The following PCYT2 variants were observed in gnomAD, a reference collection of about 807,000 sequenced individuals.
PCYT2 encodes the protein ethanolamine-phosphate cytidylyltransferase.
Under a neutral mutation model 50.0 loss-of-function variants are expected in PCYT2, and 33 were observed. The ratio of observed to expected loss-of-function variants is 0.66; its 90% CI spans 0.50 to 0.88. The LOEUF (loss-of-function observed/expected upper bound fraction) is 0.88. Among genes scored for constraint, PCYT2 ranks in the 40% least tolerant of loss-of-function variants. PCYT2 has a pLI of 0.00. For missense variants in PCYT2, 430 were observed against 519.7 expected (o/e 0.83, Z 1.68); for synonymous variants, 240 against 203.7 (o/e 1.18, Z -1.52).
rs1171126745 is a variant in PCYT2 at position 81,911,381 on chromosome 17, C to T, written c.-26G>A. 4 of 1,022,640 alleles carry T rather than the reference C, an allele frequency of 3.9e-6. No individual in the cohort carries two copies. Among genetic ancestry groups the T allele is most frequent in the Non-Finnish European group, 4.7e-6 (4 of 855,440 alleles). The allele number at this position is 1,022,640 out of a possible 1,614,324, so 63.3% of individuals were successfully genotyped here. Reference sequence around the variant, plus strand: ...GGCCCCGCAGCGGCGGCGCGGACAGCCTGGCAGCTCCCGGCGACTCCGAGC... The same window carrying T: ...GGCCCCGCAGCGGCGGCGCGGACAGTCTGGCAGCTCCCGGCGACTCCGAGC... On this transcript the variant is annotated 5_prime_UTR_variant, in exon 1 of 13. Transcript: ENST00000538936.
rs1167683937 is a variant in PCYT2, at chr17:81,903,567, G to T, written c.*1266C>A. 1 of 152,424 alleles carries T rather than the reference G, an allele frequency of 6.6e-6. No individual in the cohort carries two copies. Among genetic ancestry groups the T allele is most frequent in the East Asian group, 1.9e-4 (1 of 5,200 alleles). 9.4% of individuals were successfully genotyped at this position (152,424 alleles called of 1,614,324 possible). A position where few individuals can be genotyped will look rare whatever the true frequency, so the allele number is the denominator to read the frequency against. ...TGCTCAGGGGACCCCGCAGTCCAGGGTTCTGAGTGGGAGCATTGGCACCAC... is the reference window on the plus strand; with the variant it reads ...TGCTCAGGGGACCCCGCAGTCCAGGTTTCTGAGTGGGAGCATTGGCACCAC... On this transcript the variant is annotated 3_prime_UTR_variant, in exon 13 of 13. Transcript: ENST00000538936.
chr17:81,906,748 C>T lies in PCYT2; in HGVS notation c.676+12G>A, dbSNP rs2143685107. On this transcript the variant is annotated intron_variant, in intron 7 of 12. Coordinates refer to ENST00000538936, the MANE Select transcript of PCYT2 (RefSeq NM_002861.5). Reference sequence around the variant, plus strand: ...GGCACATGTAGGGGAGCAGCAGAGGCCCAGAGGATACGGAACAGGTCGAAG... The same window carrying T: ...GGCACATGTAGGGGAGCAGCAGAGGTCCAGAGGATACGGAACAGGTCGAAG... 1 of 1,611,898 alleles carries T rather than the reference C, an allele frequency of 6.2e-7. No individual in the cohort carries two copies. The highest frequency in any genetic ancestry group is 8.5e-7 in the Non-Finnish European group (1 of 1,179,246).
In PCYT2 at chr17:81,906,145, G is replaced by T. The variant is rs200460073; in HGVS notation, c.792C>A (p.Pro264=). The T allele has an allele frequency of 6.2e-7, 1 of 1,613,014 alleles. No homozygotes were observed. Among genetic ancestry groups the T allele is most frequent in the East Asian group, 2.2e-5 (1 of 44,866 alleles). ...EVNHYKGKNY[P]IMNLHERTLS... is the part of the protein sequence containing the mutation. ...GAGTCCGTTCATGCAGATTCATGAT[G>T]GGGTAGTTCTTCCCCTTGTAGTGAT... The change falls in exon 9 of 13, where the codon CCC becomes CCA. Residue 264 remains proline (P), a synonymous_variant. Coordinates refer to ENST00000538936, the MANE Select transcript of PCYT2 (RefSeq NM_002861.5).
chr17:81,906,116 C>T lies in PCYT2; in HGVS notation c.821G>A (p.Ser274Asn). The T allele has an allele frequency of 6.2e-7, 1 of 1,612,558 alleles. No homozygotes were observed. Among genetic ancestry groups the T allele is most frequent in the African/African-American group, 1.3e-5 (1 of 75,000 alleles). The change falls in exon 9 of 13, where the codon AGC becomes AAC. Residue 274 changes from serine (S) to asparagine (N), a missense_variant. Physicochemically the swap from Ser to Asn is conservative, Grantham distance 46. This residue lies in a region of PCYT2 where 248 missense variants were observed against 300.2 expected (regional missense o/e 0.83). Coordinates refer to ENST00000538936, the MANE Select transcript of PCYT2 (RefSeq NM_002861.5). The part of the protein sequence containing the change: ...PIMNLHERTL[S>N]VLACRYVSEV... ...CCCACTCACCCGGCAGGCCAGCACG[C>T]TCAGAGTCCGTTCATGCAGATTCAT...
In PCYT2 at chr17:81,902,148, A is replaced by G. The variant is rs899992400; in HGVS notation, c.*2685T>C. 1 of 884,564 alleles carries G rather than the reference A, an allele frequency of 1.1e-6. No homozygotes were observed. Among genetic ancestry groups the G allele is most frequent in the Non-Finnish European group, 1.5e-6 (1 of 687,380 alleles). 54.8% of individuals were successfully genotyped at this position (884,564 alleles called of 1,614,324 possible). A position where few individuals can be genotyped will look rare whatever the true frequency, so the allele number is the denominator to read the frequency against. ...CGGCTCCTCCGCGCGCGCCCGCTGCACCCCAGCCCGCCCGCCGCCCCTCCC... is the reference window on the plus strand; with the variant it reads ...CGGCTCCTCCGCGCGCGCCCGCTGCGCCCCAGCCCGCCCGCCGCCCCTCCC... On this transcript the variant is annotated 3_prime_UTR_variant, in exon 13 of 13. Transcript: ENST00000538936.
Position 81,911,352 on chromosome 17 carries a change from T to C in PCYT2, c.4A>G (p.Ile2Val). The C allele has an allele frequency of 9.4e-7, 1 of 1,069,442 alleles. No individual in the cohort carries two copies. Among genetic ancestry groups the C allele is most frequent in the Non-Finnish European group, 1.1e-6 (1 of 882,750 alleles). 66.2% of individuals were successfully genotyped at this position (1,069,442 alleles called of 1,614,324 possible). A position where few individuals can be genotyped will look rare whatever the true frequency, so the allele number is the denominator to read the frequency against. Residue 2 changes from isoleucine (I) to valine (V), a missense_variant, in exon 1 of 13, where the codon ATC (isoleucine) becomes GTC (valine). Transcript: ENST00000538936. The part of the protein sequence containing the change: M[I>V]RNGRGAAGGA... The stretch of plus-strand genomic sequence containing the variant: ...CCTGCAGCCCCGCGCCCGTTCCGGA[T>C]CATGGCCCCGCAGCGGCGGCGCGGA...
In PCYT2 at chr17:81,906,544, T is replaced by C. The variant is rs1302315900; in HGVS notation, c.679A>G (p.Ile227Val). ...YVAGAFDLFH[I>V]GHVDFLEKVH... The stretch of plus-strand genomic sequence containing the variant: ...TTCTCCAGGAAGTCCACATGCCCGA[T>C]GTCTGCACCCAGGTTAAGAAGCAGT... Residue 227 changes from isoleucine (I) to valine (V), a missense_variant and splice_region_variant, in exon 8 of 13, where the codon ATC (isoleucine) becomes GTC (valine). Ile to Val is a conservative substitution (Grantham distance 29, BLOSUM62 3). Transcript: ENST00000538936. The C allele has an allele frequency of 1.9e-6, 3 of 1,613,286 alleles. No homozygotes were observed. The highest frequency in any genetic ancestry group is 1.1e-5 in the South Asian group (1 of 91,088).
chr17:81,904,863 C>T lies in PCYT2; in HGVS notation c.1140G>A (p.Gln380=). The change falls in exon 13 of 13, where the codon CAG becomes CAA. Residue 380 remains glutamine (Q), a synonymous_variant. Transcript: ENST00000538936. ...FLEAARQQAA[Q]PLGERDGDF ...AGTCACCATCGCGCTCCCCCAGGGG[C>T]TGTGCCGCCTGCTGCCTGGCAGCCT... 6.2e-7 allele frequency: 1 copy of T among 1,612,544 alleles called. No homozygotes were observed. Among genetic ancestry groups the T allele is most frequent in the Non-Finnish European group, 8.5e-7 (1 of 1,179,696 alleles).
At position 81,905,371 on chromosome 17, in the gene PCYT2, G is replaced by C. The variant is rs2040198800; in HGVS notation, c.969+11C>G. On this transcript the variant is annotated intron_variant, in intron 11 of 12. Transcript: ENST00000538936. ...CAACCCCTGTGCCCAGCAAGGGCCAGCATGACCCACCTGGTATGGGTCGGA... is the reference window on the plus strand; with the variant it reads ...CAACCCCTGTGCCCAGCAAGGGCCACCATGACCCACCTGGTATGGGTCGGA... 6.4e-7 allele frequency: 1 copy of C among 1,552,916 alleles called. No homozygotes were observed. Among genetic ancestry groups the C allele is most frequent in the Non-Finnish European group, 8.7e-7 (1 of 1,147,374 alleles).
chr17:81,910,767 C>G, intron 1 of PCYT2: 1 of 506,082 alleles, frequency 2.0e-6, no homozygotes. Context: ...GTTGACAACC[C>G]GAAACTTTTC....
chr17:81,904,653 T>A lies in PCYT2; in HGVS notation c.*180A>T, dbSNP rs1395227905. The A allele has an allele frequency of 1.7e-6, 1 of 587,422 alleles. No homozygotes were observed. 36.4% of individuals were successfully genotyped at this position (587,422 alleles called of 1,614,324 possible). On this transcript the variant is annotated 3_prime_UTR_variant, in exon 13 of 13. Transcript: ENST00000538936. The stretch of plus-strand genomic sequence containing the variant: ...GGACACCCTCTCTGAGCAGCTTTGC[T>A]GGAAAGAGCGGAGAGCCTGCTGCAA...
rs754175289 is a variant in PCYT2 at position 81,902,706 on chromosome 17, C to T, written c.*2127G>A. 1.6e-5 allele frequency: 25 copies of T among 1,609,070 alleles called. No homozygotes were observed. Among genetic ancestry groups the T allele is most frequent in the Admixed American group, 3.3e-5 (2 of 59,876 alleles). On this transcript the variant is annotated 3_prime_UTR_variant, in exon 13 of 13. Transcript: ENST00000538936. The stretch of plus-strand genomic sequence containing the variant: ...GCGGGACCTACCAGTGCAAGGCGAA[C>T]GTCTTCCTGTCCCTGCGCGCAGCCG...
intron 6 of PCYT2, 190 bp from the exon 7 acceptor site, chr17:81,907,088 G>A (rs1489544231): frequency 1.2e-5 from 13 of 1,076,702 alleles, no homozygotes; most frequent in Middle Eastern, 2.4e-4. Context: ...AGCAGGCACC[G>A]CAGCAGACAC....
chr17:81,911,266 C>A lies in PCYT2; in HGVS notation c.89+1G>T. 4.7e-6 allele frequency: 5 copies of A among 1,070,618 alleles called. No individual in the cohort carries two copies. The highest frequency in any genetic ancestry group is 5.7e-6 in the Non-Finnish European group (5 of 883,022). The allele number at this position is 1,070,618 out of a possible 1,614,324, so 66.3% of individuals were successfully genotyped here. ...GCGGCCCGCCCCGGCCCCGCGCTCA[C>A]CAGCCATCGCACCACACCCTCACGG... On this transcript the variant is annotated splice_donor_variant, in intron 1 of 12. Coordinates refer to ENST00000538936, the MANE Select transcript of PCYT2 (RefSeq NM_002861.5). LOFTEE classifies it high-confidence loss of function.
intron 8 of PCYT2, 49 bp downstream of exon 8, chr17:81,906,415 C>A (rs376042396): frequency 6.4e-7 from 1 of 1,551,726 alleles, no homozygotes; most frequent in Non-Finnish European, 8.9e-7. Context: ...TAGGGCCCCT[C>A]GAGGGCCCAT....
chr17:81,909,139 G>A (rs924715728), intron 2 of PCYT2, 102 bp from the exon 3 acceptor site: 27 of 1,526,122 alleles, frequency 1.8e-5, no homozygotes, highest in Non-Finnish European at 2.4e-5. Flanking sequence ...AAGAGGGCCG[G>A]TGGGGGCAGG....
chr17:81,906,951 C>G, intron 6 of PCYT2, 53 bp from the exon 7 acceptor site: 1 of 1,576,278 alleles, frequency 6.3e-7, no homozygotes, highest in South Asian at 1.2e-5. Context: ...CAGGTGCTGC[C>G]CTCACCAGGT....
chr17:81,906,011 C>A (rs2040243117), intron 9 of PCYT2, 89 bp downstream of exon 9: 2 of 1,200,896 alleles, frequency 1.7e-6, no homozygotes, highest in Non-Finnish European at 2.4e-6. Context: ...GACCCAAGCC[C>A]CCCTGCCCTG....
intron 6 of PCYT2, chr17:81,907,175 C>T (rs914181922): frequency 2.6e-5 from 39 of 1,509,244 alleles, no homozygotes; most frequent in Admixed American, 2.1e-4. Context: ...TGGGAGGGAC[C>T]TGGTACCCTG....
Sources: allele counts gnomAD v4.1 joint callset, GRCh38; gene constraint gnomAD v4.1.1; regional missense constraint gnomAD v4.1.1; transcripts MANE v1.5; gene names NCBI Gene and HGNC (gene_info 2026-07-23, HGNC 2026-07-21).